PRKN: variants seen among roughly 807,000 people sequenced by gnomAD.
The protein encoded by PRKN is E3 ubiquitin-protein ligase parkin.
A neutral mutation model predicts 59.5 loss-of-function variants in PRKN; 56 were observed. The ratio of observed to expected loss-of-function variants is 0.94; its 90% CI spans 0.76 to 1.18. The LOEUF (loss-of-function observed/expected upper bound fraction) is 1.18, where lower values mean the gene tolerates loss of function less well. PRKN is among the 50% of genes most tolerant of loss of function. The pLI is 0.00. For synonymous variants in PRKN, 250 were observed against 222.1 expected (o/e 1.13, Z -1.12); for missense variants, 657 against 596.4 (o/e 1.10, Z -1.06).
intron 7 of PRKN, 43 bp downstream of exon 7, chr6:161,785,729 C>T (rs758069528): frequency 6.2e-7 from 1 of 1,600,238 alleles, no homozygotes; most frequent in Non-Finnish European, 8.6e-7. Context: ...TTCTTCTGTT[C>T]TTCATTAGCA....
At chr6:161,605,450 T>C (rs1363614855) in intron 7 of PRKN, among the ~76,000 whole-genome samples, 1 of 151,988 alleles carries the variant, frequency 6.6e-6, no homozygotes, top group African/African-American at 2.4e-5. Context: ...CTATTTTTAG[T>C]GGTAGCCATG....
chr6:162,495,777 C>G (rs930845968), intron 1 of PRKN, among the ~76,000 whole-genome samples: 39 of 152,264 alleles, frequency 2.6e-4, no homozygotes, highest in African/African-American at 7.9e-4. Flanking sequence ...ACAGGTGCTT[C>G]CAGACACATC....
At chr6:161,702,978 C>T (rs890449438) in intron 7 of PRKN, among the ~76,000 whole-genome samples, 1 of 149,362 alleles carries the variant, frequency 6.7e-6, no homozygotes. Context: ...AATCATGTAC[C>T]TACCAAAGAA....
At chr6:162,007,987 G>A (rs1049222250) in intron 5 of PRKN, among the ~76,000 whole-genome samples, 1 of 152,136 alleles carries the variant, frequency 6.6e-6, no homozygotes, top group African/African-American at 2.4e-5. Context: ...CGCTAGGGGA[G>A]CATTTATAAG....
chr6:161,601,434 A>G (rs975111844), intron 7 of PRKN, among the ~76,000 whole-genome samples: 2 of 152,138 alleles, frequency 1.3e-5, no homozygotes, highest in East Asian at 3.9e-4. Flanking sequence ...GTAACTCCCC[A>G]AAGGCCCTAC....
intron 7 of PRKN, among the ~76,000 whole-genome samples, chr6:161,583,114 A>C (rs1781404452): frequency 6.6e-6 from 1 of 152,198 alleles, no homozygotes; most frequent in African/African-American, 2.4e-5. Context: ...GAGCATTACC[A>C]AAAAGCCTAA....
rs114023279 is a variant in PRKN, at chr6:162,019,511, G to A, written c.618+34580C>T. On this transcript the variant is annotated intron_variant, in intron 5 of 11. Transcript: ENST00000366898. The stretch of plus-strand genomic sequence containing the variant: ...CTACAGATCATTGAAATGATATACT[G>A]CAATAACTTCCCCTGGAACGCTTAT... Among the ~76,000 whole-genome samples the A allele has an allele frequency of 6.8e-3, 1,036 of 152,220 alleles. 16 individuals carry two copies. Among genetic ancestry groups the A allele is most frequent in the African/African-American group, 0.023 (950 of 41,546 alleles).
intron 7 of PRKN, among the ~76,000 whole-genome samples, chr6:161,638,936 T>A (rs1320899132): frequency 6.6e-6 from 1 of 151,816 alleles, no homozygotes; most frequent in Non-Finnish European, 1.5e-5. Context: ...CAGACGGGGT[T>A]TCACCATGTT....
At chr6:162,526,949 G>A (rs1277982779) in intron 1 of PRKN, among the ~76,000 whole-genome samples, 2 of 152,126 alleles carry the variant, frequency 1.3e-5, no homozygotes, top group African/African-American at 4.8e-5. Flanking sequence ...ATGAAACTGT[G>A]TAGACCATCA....
At chr6:162,076,382 T>A (rs35310155) in intron 4 of PRKN, among the ~76,000 whole-genome samples, 58,765 of 151,764 alleles carry the variant, frequency 0.39, 12,043 homozygotes, top group Admixed American at 0.49. Context: ...TAATTTGTTT[T>A]AACATGGTCT....
intron 5 of PRKN, among the ~76,000 whole-genome samples, chr6:162,046,080 C>G (rs901825397): frequency 6.6e-6 from 1 of 152,176 alleles, no homozygotes; most frequent in Non-Finnish European, 1.5e-5. Context: ...CTCTCCTAAT[C>G]TAAAACCTAG....
In PRKN at chr6:162,046,936, A is replaced by G. The variant is rs925213607; in HGVS notation, c.618+7155T>C. ...AAAAACAAGAAATTTTTTGTTATCAAGTATTCAAAACTTGGTTTAGAAATA... is the reference window on the plus strand; with the variant it reads ...AAAAACAAGAAATTTTTTGTTATCAGGTATTCAAAACTTGGTTTAGAAATA... On this transcript the variant is annotated intron_variant, in intron 5 of 11. Coordinates refer to ENST00000366898, the MANE Select transcript of PRKN (RefSeq NM_004562.3). Among the ~76,000 whole-genome samples, 15 of 152,134 alleles carry G rather than the reference A, an allele frequency of 9.9e-5. No homozygotes were observed. The East Asian group carries it at 2.7e-3, about 27-fold the overall frequency.
chr6:161,437,268 C>T (rs1788959477), intron 9 of PRKN, among the ~76,000 whole-genome samples: 1 of 152,164 alleles, frequency 6.6e-6, no homozygotes, highest in Non-Finnish European at 1.5e-5. Context: ...ATCTATAGCT[C>T]TGCTATCCCA....
At chr6:162,706,132 T>TAAAAAAAAAAAA (rs766578797) in intron 1 of PRKN, among the ~76,000 whole-genome samples, 2 of 106,556 alleles carry the variant, frequency 1.9e-5, no homozygotes, top group Non-Finnish European at 3.9e-5. Context: ...ACCTGAAGGT[T>TAAAAAAAAAAAA]AAAAAAAAAA....
rs1172041314 is a variant in PRKN at position 162,056,082 on chromosome 6, CCACACACCTCA to C, written c.535-1919_535-1909del. 1.3e-5 allele frequency among the ~76,000 whole-genome samples: 2 copies of C among 150,354 alleles called. No individual in the cohort carries two copies. Among genetic ancestry groups the C allele is most frequent in the South Asian group, 2.1e-4 (1 of 4,722 alleles). On this transcript the variant is annotated intron_variant, in intron 4 of 11. Coordinates refer to ENST00000366898, the MANE Select transcript of PRKN (RefSeq NM_004562.3). The surrounding 1 kb of genome is among the most constrained non-coding windows in gnomAD (Gnocchi z 4.9). ...ACATACATACACGTGCACACACATC[CCACACACCTCA>C]CACACCCCACACACATATACCCACA...
chr6:162,539,642 T>C (rs191183785), intron 1 of PRKN, among the ~76,000 whole-genome samples: 6 of 152,314 alleles, frequency 3.9e-5, no homozygotes, highest in African/African-American at 1.4e-4. Context: ...GCTGCTTGAA[T>C]CGCAGCTTAA....
intron 6 of PRKN, among the ~76,000 whole-genome samples, chr6:161,864,330 C>T (rs1212590890): frequency 6.6e-6 from 1 of 152,184 alleles, no homozygotes; most frequent in Admixed American, 6.5e-5. Flanking sequence ...GATTCCATCT[C>T]AAGAAGCCAC....
intron 4 of PRKN, among the ~76,000 whole-genome samples, chr6:162,173,020 T>C (rs1013943422): frequency 4.6e-5 from 7 of 152,160 alleles, no homozygotes; most frequent in African/African-American, 9.7e-5. Context: ...CCCTGGGGAA[T>C]TGAATGGCTT....
At chr6:162,362,549 T>C (rs1030847241) in intron 2 of PRKN, among the ~76,000 whole-genome samples, 1 of 152,284 alleles carries the variant, frequency 6.6e-6, no homozygotes, top group South Asian at 2.1e-4. Flanking sequence ...AAATTTCTAC[T>C]GAAAATTACA....
Sources: allele counts gnomAD v4.1 joint callset (sites outside exome capture counted in the v4.1 genomes callset), GRCh38; gene constraint gnomAD v4.1.1; non-coding constraint Gnocchi (gnomAD v3.1); transcripts MANE v1.5; gene names NCBI Gene and HGNC (gene_info 2026-07-23, HGNC 2026-07-21).